MED12L: variants seen among roughly 807,000 people sequenced by gnomAD.
MED12L encodes mediator complex subunit 12L.
A neutral mutation model predicts 281.3 loss-of-function variants in MED12L; 60 were observed. The ratio of observed to expected loss-of-function variants is 0.21; its 90% CI spans 0.17 to 0.26. The LOEUF (loss-of-function observed/expected upper bound fraction) is 0.26, where lower values mean the gene tolerates loss of function less well. Among genes scored for constraint, MED12L ranks in the 10% least tolerant of loss-of-function variants. The pLI is 1.00. For synonymous variants in MED12L, 974 were observed against 987.2 expected (o/e 0.99, Z 0.25); for missense variants, 2,146 against 2,680.9 (o/e 0.80, Z 4.41).
At chr3:151,416,456 G>T (rs1408561074) in intron 43 of MED12L, 34 bp downstream of exon 43, 7 of 1,605,124 alleles carry the variant, frequency 4.4e-6, no homozygotes, top group Admixed American at 3.4e-5. Context: ...AGACATGTGG[G>T]TTTCTTCTTT....
chr3:151,242,415 A>C (rs577356385), intron 16 of MED12L, among the ~76,000 whole-genome samples: 3,221 of 152,294 alleles, frequency 0.021, 91 homozygotes, highest in African/African-American at 0.075. Flanking sequence ...CCCAGCACGC[A>C]GCTGGAGATC....
intron 16 of MED12L, among the ~76,000 whole-genome samples, chr3:151,206,092 T>G (rs1726312837): frequency 7.2e-6 from 1 of 139,266 alleles, no homozygotes; most frequent in South Asian, 2.2e-4. Context: ...TTTTTTTTTT[T>G]GCACATAATA....
intron 16 of MED12L, among the ~76,000 whole-genome samples, chr3:151,267,326 C>G (rs1281703847): frequency 1.3e-5 from 2 of 152,166 alleles, no homozygotes; most frequent in Non-Finnish European, 2.9e-5. Context: ...TGAAATACTT[C>G]ATGAGAAAAG....
intron 43 of MED12L, 21 bp from the exon 44 acceptor site, chr3:151,430,278 T>C: frequency 6.2e-7 from 1 of 1,613,966 alleles, no homozygotes; most frequent in Non-Finnish European, 8.5e-7. Flanking sequence ...ATTTCTGTCC[T>C]TTCTCCTGTC....
In MED12L at chr3:151,338,562, A is replaced by G. The variant is rs755664732; in HGVS notation, c.2251-11497A>G. 8 of 1,613,916 alleles carry G rather than the reference A, an allele frequency of 5.0e-6. No individual in the cohort carries two copies. Among genetic ancestry groups the G allele is most frequent in the Non-Finnish European group, 4.2e-6 (5 of 1,180,004 alleles). ...TATGACGGAGGTAACTTGACACACA[A>G]AAGTTCTCAGTGGTCCTGTTCCCAG... On this transcript the variant is annotated intron_variant, in intron 16 of 44. Coordinates refer to ENST00000687756, the MANE Select transcript of MED12L (RefSeq NM_001393769.1).
chr3:151,146,005 T>C (rs1185199597), intron 5 of MED12L, among the ~76,000 whole-genome samples: 2 of 152,210 alleles, frequency 1.3e-5, no homozygotes, highest in Admixed American at 6.5e-5. Flanking sequence ...TATCTGATCT[T>C]GCCGTTGCTG....
intron 16 of MED12L, among the ~76,000 whole-genome samples, chr3:151,250,056 G>A (rs914331030): frequency 2.0e-5 from 3 of 152,092 alleles, no homozygotes; most frequent in African/African-American, 7.2e-5. Flanking sequence ...CTCTTTATTA[G>A]CAATCATCCA....
At chr3:151,119,366 C>T (rs889888857) in intron 3 of MED12L, among the ~76,000 whole-genome samples, 5 of 152,162 alleles carry the variant, frequency 3.3e-5, no homozygotes, top group African/African-American at 1.2e-4. Context: ...GCTGGAAGTC[C>T]AAGATAAGGT....
At chr3:151,247,909 AG>A (rs1735993797) in intron 16 of MED12L, among the ~76,000 whole-genome samples, 1 of 149,586 alleles carries the variant, frequency 6.7e-6, no homozygotes, top group Admixed American at 6.6e-5. Flanking sequence ...TTCAGAAGAC[AG>A]GGCTCCTTTT....
intron 12 of MED12L, among the ~76,000 whole-genome samples, chr3:151,186,300 A>G (rs1319454253): frequency 2.0e-5 from 3 of 152,116 alleles, no homozygotes; most frequent in East Asian, 1.9e-4. Context: ...TCACCTGGCA[A>G]CTTTGAGGCA....
chr3:151,286,231 A>T (rs1423526784), intron 16 of MED12L, among the ~76,000 whole-genome samples: 3 of 152,186 alleles, frequency 2.0e-5, no homozygotes, highest in Non-Finnish European at 2.9e-5. Flanking sequence ...GTGCCTTGGA[A>T]AGGCAAATGT....
chr3:151,359,034 G>T (rs1174979643), intron 20 of MED12L, among the ~76,000 whole-genome samples: 3 of 152,138 alleles, frequency 2.0e-5, no homozygotes, highest in Non-Finnish European at 4.4e-5. Context: ...CCATCAGGAA[G>T]TGAGCATAGT....
intron 13 of MED12L, 31 bp downstream of exon 13, chr3:151,188,511 C>T: frequency 1.3e-6 from 2 of 1,551,690 alleles, no homozygotes; most frequent in South Asian, 2.5e-5. Context: ...GCCTCTAGAT[C>T]TTAAATAAGG....
chr3:151,245,840 G>A (rs1735320741), intron 16 of MED12L, among the ~76,000 whole-genome samples: 1 of 151,072 alleles, frequency 6.6e-6, no homozygotes, highest in Non-Finnish European at 1.5e-5. Context: ...GTCCCTGTTT[G>A]CAGACGACAT....
At chr3:151,347,010 A>G (rs1229974645) in intron 16 of MED12L, among the ~76,000 whole-genome samples, 1 of 152,218 alleles carries the variant, frequency 6.6e-6, no homozygotes, top group African/African-American at 2.4e-5. Context: ...AATTTTAACT[A>G]GTGGATACAT....
chr3:151,189,837 C>T (rs1263436479), intron 13 of MED12L, among the ~76,000 whole-genome samples: 2 of 152,170 alleles, frequency 1.3e-5, no homozygotes, highest in African/African-American at 2.4e-5. Flanking sequence ...TATTGAAAGT[C>T]ATAATGTGAG....
At chr3:151,207,914 GC>G (rs1429302742) in intron 16 of MED12L, among the ~76,000 whole-genome samples, 1 of 152,194 alleles carries the variant, frequency 6.6e-6, no homozygotes, top group Admixed American at 6.5e-5. Flanking sequence ...AGGTGAATTT[GC>G]CTTATTGGCT....
intron 5 of MED12L, among the ~76,000 whole-genome samples, chr3:151,132,949 T>C (rs1243057634): frequency 1.3e-5 from 2 of 152,224 alleles, no homozygotes; most frequent in African/African-American, 2.4e-5. Context: ...AGTACACACA[T>C]ATATATGTGT....
intron 16 of MED12L, chr3:151,294,417 A>G (rs1577254038): frequency 6.2e-7 from 1 of 1,613,974 alleles, no homozygotes. Flanking sequence ...AAGTGACTAA[A>G]AGTAAAAGGA....
Sources: allele counts gnomAD v4.1 joint callset (sites outside exome capture counted in the v4.1 genomes callset), GRCh38; gene constraint gnomAD v4.1.1; transcripts MANE v1.5; gene names NCBI Gene and HGNC (gene_info 2026-07-23, HGNC 2026-07-21).